Variants in LRRTM4 observed in about 807,000 individuals in gnomAD.
The protein encoded by LRRTM4 is leucine-rich repeat transmembrane neuronal protein 4.
In LRRTM4, 25 loss-of-function variants were observed where a neutral mutation model predicts 47.6. The ratio of observed to expected loss-of-function variants is 0.53; its 90% confidence interval spans 0.38 to 0.73. LRRTM4 has a LOEUF of 0.73. Ranked by LOEUF, LRRTM4 falls within the 30% of genes least tolerant of loss-of-function variation. The pLI, the probability that LRRTM4 is intolerant of heterozygous loss-of-function variation, is 0.00. For missense variants in LRRTM4, 638 were observed against 713.4 expected (o/e 0.89, Z 1.20); for synonymous variants, 311 against 269.5 (o/e 1.15, Z -1.51).
intron 3 of LRRTM4, among the ~76,000 whole-genome samples, chr2:77,349,065 A>AT (rs1253528360): frequency 3.3e-5 from 5 of 151,794 alleles, no homozygotes; most frequent in African/African-American, 4.8e-5. Flanking sequence ...GGATAGCTCC[A>AT]TTTTTTTTAA....
At chr2:77,416,962 C>T (rs1161209747) in intron 3 of LRRTM4, among the ~76,000 whole-genome samples, 1 of 152,034 alleles carries the variant, frequency 6.6e-6, no homozygotes, top group African/African-American at 2.4e-5. Flanking sequence ...AGGCAAGCTA[C>T]AGAATGGGGG....
chr2:77,177,619 G>T (rs1673235883), intron 3 of LRRTM4, among the ~76,000 whole-genome samples: 1 of 152,172 alleles, frequency 6.6e-6, no homozygotes, highest in African/African-American at 2.4e-5. Context: ...TTCTCTAAGA[G>T]AAAACTGCCA....
At chr2:77,181,619 T>G (rs1260358255) in intron 3 of LRRTM4, among the ~76,000 whole-genome samples, 1 of 151,996 alleles carries the variant, frequency 6.6e-6, no homozygotes, top group Non-Finnish European at 1.5e-5. Context: ...TTTTCAAAAA[T>G]GAAGTGGTAA....
At chr2:77,480,264 G>A (rs1338542717) in intron 3 of LRRTM4, among the ~76,000 whole-genome samples, 1 of 152,110 alleles carries the variant, frequency 6.6e-6, no homozygotes, top group African/African-American at 2.4e-5. Flanking sequence ...GAACTACAGA[G>A]AAGAAGACTG....
intron 3 of LRRTM4, among the ~76,000 whole-genome samples, chr2:77,071,152 C>T (rs1680142154): frequency 6.6e-6 from 1 of 151,934 alleles, no homozygotes; most frequent in African/African-American, 2.4e-5. Flanking sequence ...CCTTCAATGC[C>T]AAAAACAAAT....
rs535279878 is a variant in LRRTM4, at chr2:77,438,335, T to A, written c.1551+79983A>T. Among the ~76,000 whole-genome samples, 28 of 151,438 alleles carry A rather than the reference T, an allele frequency of 1.8e-4. No individual in the cohort carries two copies. The South Asian group carries it at 5.8e-3, about 31-fold the overall frequency. On this transcript the variant is annotated intron_variant, in intron 3 of 3. Transcript: ENST00000409884. Reference sequence around the variant, plus strand: ...TATTTTGTGAAGAGGGTGGAAATAATAGTGTGTCTCAAATAGGTTGGAATC... The same window carrying A: ...TATTTTGTGAAGAGGGTGGAAATAAAAGTGTGTCTCAAATAGGTTGGAATC...
intron 3 of LRRTM4, among the ~76,000 whole-genome samples, chr2:76,924,016 T>G (rs1301045450): frequency 6.6e-6 from 1 of 152,098 alleles, no homozygotes; most frequent in Non-Finnish European, 1.5e-5. Context: ...CATTTAGGTT[T>G]CTTTCTTGAG....
chr2:77,133,836 A>T (rs1671864283), intron 3 of LRRTM4, among the ~76,000 whole-genome samples: 1 of 152,220 alleles, frequency 6.6e-6, no homozygotes, highest in South Asian at 2.1e-4. Context: ...GAATAAATGT[A>T]TGTGACTAAA....
chr2:77,308,854 G>A (rs969480596), intron 3 of LRRTM4, among the ~76,000 whole-genome samples: 1 of 151,914 alleles, frequency 6.6e-6, no homozygotes, highest in Non-Finnish European at 1.5e-5. Context: ...GCATGGGGGT[G>A]GGGGTTGGGG....
At chr2:76,750,382 G>A (rs567951618) in intron 3 of LRRTM4, among the ~76,000 whole-genome samples, 1 of 152,266 alleles carries the variant, frequency 6.6e-6, no homozygotes, top group Non-Finnish European at 1.5e-5. Context: ...TAAGTTGTAG[G>A]GGTGGTAGCT....
At chr2:77,498,911 T>A (rs1331752922) in intron 3 of LRRTM4, among the ~76,000 whole-genome samples, 1 of 151,856 alleles carries the variant, frequency 6.6e-6, no homozygotes, top group Non-Finnish European at 1.5e-5. Context: ...GAAGTTTGTG[T>A]CAGTTTACTT....
rs1670540815 is a variant in LRRTM4, at chr2:76,807,445, C to CACATATATATAT, written c.1552-58530_1552-58529insATATATATATGT. Among the ~76,000 whole-genome samples the CACATATATATAT allele has an allele frequency of 1.4e-4, 10 of 69,284 alleles. No individual in the cohort carries two copies. The Admixed American group carries it at 1.6e-3, about 11-fold the overall frequency. The allele number at this position is 69,284 out of a possible 152,430, so 45.5% of individuals were successfully genotyped here. A position where few individuals can be genotyped will look rare whatever the true frequency, so the allele number is the denominator to read the frequency against. On this transcript the variant is annotated intron_variant, in intron 3 of 3. Transcript: ENST00000409884. ...ATATACATATATATATACGTATATA[C>CACATATATATAT]ATATATATATATACATATATATATA... is the stretch of plus-strand genomic sequence containing the variant.
intron 3 of LRRTM4, among the ~76,000 whole-genome samples, chr2:76,998,881 G>T (rs1040550706): frequency 1.6e-4 from 24 of 150,850 alleles, no homozygotes; most frequent in Admixed American, 7.3e-4. Flanking sequence ...AAACTGAACT[G>T]CAGCAAAATC....
chr2:77,230,957 T>C (rs909460180), intron 3 of LRRTM4, among the ~76,000 whole-genome samples: 2 of 152,180 alleles, frequency 1.3e-5, no homozygotes, highest in South Asian at 4.1e-4. Context: ...TACAAGTAGA[T>C]TTGCCAGATT....
At chr2:77,069,443 G>A (rs1029048601) in intron 3 of LRRTM4, among the ~76,000 whole-genome samples, 12 of 150,626 alleles carry the variant, frequency 8.0e-5, no homozygotes, top group Middle Eastern at 3.4e-3. Context: ...GTGTGTTTGT[G>A]TGTGTTGGAA....
At chr2:76,926,544 T>G (rs1674595101) in intron 3 of LRRTM4, among the ~76,000 whole-genome samples, 1 of 152,070 alleles carries the variant, frequency 6.6e-6, no homozygotes, top group Non-Finnish European at 1.5e-5. Flanking sequence ...AATGCAACAG[T>G]GTTTGGAGCT....
At chr2:76,827,455 A>G (rs1671220188) in intron 3 of LRRTM4, among the ~76,000 whole-genome samples, 1 of 151,826 alleles carries the variant, frequency 6.6e-6, no homozygotes. Context: ...AAAGCACAAC[A>G]TGCTACACTG....
At chr2:77,441,154 A>C (rs1361187236) in intron 3 of LRRTM4, among the ~76,000 whole-genome samples, 5 of 152,220 alleles carry the variant, frequency 3.3e-5, no homozygotes, top group Admixed American at 1.3e-4. Flanking sequence ...ATGATCTGGT[A>C]TAATTTCTTC....
chr2:77,149,876 C>T (rs1414443797), intron 3 of LRRTM4, among the ~76,000 whole-genome samples: 1 of 152,152 alleles, frequency 6.6e-6, no homozygotes, highest in Admixed American at 6.5e-5. Flanking sequence ...TCTGATAGAG[C>T]TCTCTCCTTG....
Sources: allele counts gnomAD v4.1 joint callset (sites outside exome capture counted in the v4.1 genomes callset), GRCh38; gene constraint gnomAD v4.1.1; transcripts MANE v1.5; gene names NCBI Gene and HGNC (gene_info 2026-07-23, HGNC 2026-07-21).